The following CDK14 variants were observed in gnomAD, a reference collection of about 807,000 sequenced individuals.
The protein encoded by CDK14 is cyclin dependent kinase 14.
Under a neutral mutation model 60.7 loss-of-function variants are expected in CDK14, and 34 were observed. The ratio of observed to expected loss-of-function variants is 0.56; its 90% CI spans 0.43 to 0.75. The LOEUF is 0.75. Among genes scored for constraint, CDK14 ranks in the 30% least tolerant of loss-of-function variants. CDK14 has a pLI of 0.00. For missense variants in CDK14, 482 were observed against 564.1 expected (o/e 0.85, Z 1.47); for synonymous variants, 197 against 203.7 (o/e 0.97, Z 0.28).
At chr7:91,170,603 G>C (rs545118119) in intron 14 of CDK14, among the ~76,000 whole-genome samples, 3 of 152,010 alleles carry the variant, frequency 2.0e-5, no homozygotes, top group Non-Finnish European at 2.9e-5. Context: ...TCCCCTCAGT[G>C]AAAATTGATT....
intron 10 of CDK14, among the ~76,000 whole-genome samples, chr7:91,031,780 A>G (rs899273987): frequency 6.6e-6 from 1 of 152,262 alleles, no homozygotes; most frequent in Non-Finnish European, 1.5e-5. Context: ...TGAAATAAGA[A>G]TAAATCACAA....
chr7:90,664,443 A>G (rs1584778582), intron 2 of CDK14, among the ~76,000 whole-genome samples: 2 of 152,338 alleles, frequency 1.3e-5, no homozygotes, highest in East Asian at 3.9e-4. Flanking sequence ...TACTGGGTAT[A>G]TACCCAAAGG....
intron 10 of CDK14, among the ~76,000 whole-genome samples, chr7:91,039,313 A>G (rs1005603236): frequency 2.0e-5 from 3 of 152,162 alleles, no homozygotes; most frequent in Non-Finnish European, 2.9e-5. Context: ...GACACTTTTT[A>G]AAAAAATCGT....
intron 14 of CDK14, among the ~76,000 whole-genome samples, chr7:91,160,462 A>T (rs1289141959): frequency 6.6e-6 from 1 of 152,170 alleles, no homozygotes; most frequent in Non-Finnish European, 1.5e-5. Flanking sequence ...CCCAATCACC[A>T]TCTGGATAAT....
intron 14 of CDK14, among the ~76,000 whole-genome samples, chr7:91,138,003 T>A (rs916217943): frequency 3.3e-5 from 5 of 152,194 alleles, no homozygotes; most frequent in Non-Finnish European, 7.4e-5. Context: ...ACTAAACAGA[T>A]GAAAATAGAG....
chr7:90,808,900 C>T (rs1379203201), intron 5 of CDK14, among the ~76,000 whole-genome samples: 1 of 152,260 alleles, frequency 6.6e-6, no homozygotes, highest in African/African-American at 2.4e-5. Flanking sequence ...GTAAAGGGAT[C>T]AATTCAACAA....
chr7:91,175,857 A>T (rs1309473880), intron 14 of CDK14, among the ~76,000 whole-genome samples: 1 of 144,948 alleles, frequency 6.9e-6, no homozygotes, highest in Non-Finnish European at 1.5e-5. Flanking sequence ...CACATTAATA[A>T]TGGGAGACTT....
chr7:91,185,307 C>G (rs1168533841), intron 14 of CDK14, among the ~76,000 whole-genome samples: 1 of 122,904 alleles, frequency 8.1e-6, no homozygotes, highest in African/African-American at 2.7e-5. Context: ...AACCATCATG[C>G]CCTGCTTGGT....
chr7:90,974,290 A>G (rs1264069613), intron 9 of CDK14, among the ~76,000 whole-genome samples: 1 of 148,480 alleles, frequency 6.7e-6, no homozygotes, highest in Non-Finnish European at 1.5e-5. Flanking sequence ...CTGATTTCAT[A>G]TTGTTCAAAC....
intron 2 of CDK14, among the ~76,000 whole-genome samples, chr7:90,673,581 TA>T (rs1410027494): frequency 7.5e-6 from 1 of 133,396 alleles, no homozygotes; most frequent in Non-Finnish European, 1.8e-5. Context: ...TAAAATTGGT[TA>T]AGTCTATTGC....
chr7:90,819,737 T>A (rs1324089928), intron 5 of CDK14, among the ~76,000 whole-genome samples: 1 of 152,202 alleles, frequency 6.6e-6, no homozygotes, highest in Non-Finnish European at 1.5e-5. Flanking sequence ...GGATTTGCAA[T>A]ACTTAACATT....
At chr7:90,667,575 C>CTT (rs1165434635) in intron 2 of CDK14, among the ~76,000 whole-genome samples, 4 of 143,846 alleles carry the variant, frequency 2.8e-5, no homozygotes, top group African/African-American at 5.1e-5. Context: ...TGTATCCGTA[C>CTT]TTTTTTTTTT....
At chr7:90,613,991 T>C (rs969285544) in intron 2 of CDK14, among the ~76,000 whole-genome samples, 1 of 148,472 alleles carries the variant, frequency 6.7e-6, no homozygotes, top group Non-Finnish European at 1.5e-5. Flanking sequence ...AGACTATTTT[T>C]TATAGTCCCA....
At chr7:90,849,414 T>C (rs1478179632) in intron 5 of CDK14, among the ~76,000 whole-genome samples, 1 of 152,052 alleles carries the variant, frequency 6.6e-6, no homozygotes, top group East Asian at 1.9e-4. Context: ...TCAGTATTTC[T>C]TTATAGCAAC....
intron 8 of CDK14, among the ~76,000 whole-genome samples, chr7:90,942,718 A>G (rs1793972511): frequency 2.0e-5 from 3 of 152,216 alleles, no homozygotes; most frequent in Admixed American, 2.0e-4. Flanking sequence ...CCTCAGAAAC[A>G]TGGCTCTGCT....
At chr7:90,869,557 T>G (rs1165386500) in intron 6 of CDK14, among the ~76,000 whole-genome samples, 2 of 152,208 alleles carry the variant, frequency 1.3e-5, no homozygotes, top group Admixed American at 1.3e-4. Context: ...TTATTTGATC[T>G]GACTCATATT....
At chr7:90,691,365 G>C (rs768612030) in intron 2 of CDK14, among the ~76,000 whole-genome samples, 8 of 152,124 alleles carry the variant, frequency 5.3e-5, no homozygotes, top group Non-Finnish European at 1.0e-4. Context: ...AGGATGGTCA[G>C]GGAAGACTTC....
intron 14 of CDK14, among the ~76,000 whole-genome samples, chr7:91,140,786 C>T (rs773379099): frequency 6.6e-5 from 10 of 151,932 alleles, no homozygotes; most frequent in Non-Finnish European, 1.5e-4. Context: ...TTGCTTGCTC[C>T]GTAACAAGTA....
chr7:91,110,228 A>G (rs192540002), intron 12 of CDK14, among the ~76,000 whole-genome samples: 1 of 151,796 alleles, frequency 6.6e-6, no homozygotes, highest in Admixed American at 6.5e-5. Context: ...CTAAAATTTT[A>G]TATAACAAAT....
Sources: allele counts gnomAD v4.1 joint callset (sites outside exome capture counted in the v4.1 genomes callset), GRCh38; gene constraint gnomAD v4.1.1; transcripts MANE v1.5; gene names NCBI Gene and HGNC (gene_info 2026-07-23, HGNC 2026-07-21).